The following AFG1L variants were observed in gnomAD, a reference collection of about 807,000 sequenced individuals.
The protein encoded by AFG1L is AFG1 like ATPase, also known as AFG1-like ATPase.
Under a neutral mutation model 62.2 loss-of-function variants are expected in AFG1L, and 53 were observed. The observed-to-expected ratio is 0.85, with a 90% CI of 0.68 to 1.07. The LOEUF is 1.07. Among genes scored for constraint, AFG1L ranks in the 50% least tolerant of loss-of-function variants. The probability of loss-of-function intolerance (pLI) is 0.00; values close to 1 mark genes in which losing one functional copy is unlikely to be tolerated. For synonymous variants in AFG1L, 228 were observed against 210.3 expected, an observed-to-expected ratio of 1.08 and a Z score of -0.73; for missense variants, 555 against 590.5, an observed-to-expected ratio of 0.94 and a Z score of 0.62.
intron 11 of AFG1L, among the ~76,000 whole-genome samples, chr6:108,518,511 G>A (rs186767090): frequency 1.8e-5 from 2 of 113,172 alleles, no homozygotes; most frequent in Non-Finnish European, 1.7e-5. Context: ...GGGGTGGGGG[G>A]AGGGGGGAGG....
Position 108,455,507 on chromosome 6 carries a change from T to G in AFG1L, c.890+8211T>G, listed in dbSNP as rs1313583477. On this transcript the variant is annotated intron_variant, in intron 8 of 12. Coordinates refer to ENST00000368977, the MANE Select transcript of AFG1L (RefSeq NM_145315.5). Reference sequence around the variant, plus strand: ...TTTCTATATCCTTAATTTCTGAACTTTCATTATTTCCTTTCTTCTGCTTAG... The same window carrying G: ...TTTCTATATCCTTAATTTCTGAACTGTCATTATTTCCTTTCTTCTGCTTAG... 4.6e-5 allele frequency among the ~76,000 whole-genome samples: 7 copies of G among 152,172 alleles called. No homozygotes were observed. In the East Asian group the frequency reaches 1.3e-3, roughly 29 times the overall value.
intron 3 of AFG1L, among the ~76,000 whole-genome samples, chr6:108,353,251 C>T (rs1779149705): frequency 6.6e-6 from 1 of 150,980 alleles, no homozygotes; most frequent in African/African-American, 2.4e-5. Context: ...AACTCCTGGG[C>T]TCAAGCAATC....
intron 5 of AFG1L, among the ~76,000 whole-genome samples, chr6:108,358,589 A>G (rs1456675898): frequency 6.6e-6 from 1 of 152,118 alleles, no homozygotes; most frequent in Non-Finnish European, 1.5e-5. Flanking sequence ...CTGGAATGCA[A>G]TGGCGTGATC....
chr6:108,351,316 A>C (rs891149661), intron 3 of AFG1L, among the ~76,000 whole-genome samples: 1 of 152,184 alleles, frequency 6.6e-6, no homozygotes, highest in African/African-American at 2.4e-5. Flanking sequence ...GCTTCTTTAT[A>C]ATCTTTTGGG....
At chr6:108,464,436 A>G (rs554640173) in intron 8 of AFG1L, among the ~76,000 whole-genome samples, 31 of 152,330 alleles carry the variant, frequency 2.0e-4, no homozygotes, top group African/African-American at 7.2e-4. Flanking sequence ...TCACTAATTT[A>G]ATATGGAAAA....
chr6:108,423,173 G>A (rs1358998841), intron 7 of AFG1L, among the ~76,000 whole-genome samples: 3 of 152,048 alleles, frequency 2.0e-5, no homozygotes, highest in African/African-American at 4.8e-5. Context: ...GGTTGATGAA[G>A]TGATATTTAG....
intron 6 of AFG1L, among the ~76,000 whole-genome samples, chr6:108,386,697 A>T (rs537530135): frequency 9.2e-5 from 14 of 152,316 alleles, no homozygotes; most frequent in African/African-American, 3.4e-4. Flanking sequence ...GTTTTACATA[A>T]AACTATAGTG....
chr6:108,322,312 G>A (rs1236740492), intron 1 of AFG1L, among the ~76,000 whole-genome samples: 2 of 152,140 alleles, frequency 1.3e-5, no homozygotes, highest in East Asian at 3.9e-4. Flanking sequence ...TTGTTGCTCT[G>A]CTTCATTCAA....
chr6:108,413,807 G>A (rs1416976343), intron 7 of AFG1L, among the ~76,000 whole-genome samples: 1 of 152,022 alleles, frequency 6.6e-6, no homozygotes, highest in Non-Finnish European at 1.5e-5. Flanking sequence ...ATGCCCACAA[G>A]AGAAAGCAGG....
At chr6:108,330,809 T>G (rs1422604824) in intron 2 of AFG1L, among the ~76,000 whole-genome samples, 1 of 152,232 alleles carries the variant, frequency 6.6e-6, no homozygotes, top group Non-Finnish European at 1.5e-5. Context: ...CTCAAGGTCT[T>G]CATTTTATCA....
Position 108,295,132 on chromosome 6 carries a change from C to T in AFG1L, c.53C>T (p.Pro18Leu). 6.2e-7 allele frequency: 1 copy of T among 1,611,230 alleles called. No individual in the cohort carries two copies. Among genetic ancestry groups the T allele is most frequent in the South Asian group, 1.1e-5 (1 of 91,088 alleles). ...LVTLRPLAQSPLRGRCVGCGA... is the reference protein window; with the variant it reads ...LVTLRPLAQSLLRGRCVGCGA... ...ACCCTGCGCCCCTTAGCACAGAGCCCGCTGAGAGGGAGATGTGTTGGGTGC... is the reference window on the plus strand; with the variant it reads ...ACCCTGCGCCCCTTAGCACAGAGCCTGCTGAGAGGGAGATGTGTTGGGTGC... The change falls in exon 1 of 13, where the codon CCG (proline) becomes CTG (leucine). Residue 18 changes from proline to leucine, a missense_variant. Pro to Leu is a moderately conservative substitution (Grantham distance 98). Transcript: ENST00000368977.
chr6:108,500,171 CGT>C (rs61654685), intron 10 of AFG1L, among the ~76,000 whole-genome samples: 9,630 of 135,040 alleles, frequency 0.071, 414 homozygotes, highest in Middle Eastern at 0.15. Flanking sequence ...ATGGTGCGTG[CGT>C]GTGTGTGTGT....
Position 108,345,652 on chromosome 6 carries a change from G to A in AFG1L, c.364-1336G>A, listed in dbSNP as rs552944978. ...ATGCCTGGCCCACTTTTATTTTTGA[G>A]ATTTTTTTTTTTTGATGTCTGAATA... On this transcript the variant is annotated intron_variant, in intron 2 of 12. Coordinates refer to ENST00000368977, the MANE Select transcript of AFG1L (RefSeq NM_145315.5). Among the ~76,000 whole-genome samples, 5 of 151,864 alleles carry A rather than the reference G, an allele frequency of 3.3e-5. No individual in the cohort carries two copies. In the South Asian group the frequency reaches 1.0e-3, roughly 32 times the overall value.
At chr6:108,334,463 G>A (rs899058006) in intron 2 of AFG1L, among the ~76,000 whole-genome samples, 1 of 151,790 alleles carries the variant, frequency 6.6e-6, no homozygotes, top group East Asian at 1.9e-4. Flanking sequence ...AAATTGAGGC[G>A]GGTGGATCAC....
chr6:108,426,138 T>C (rs1195191811), intron 7 of AFG1L, among the ~76,000 whole-genome samples: 6 of 152,196 alleles, frequency 3.9e-5, no homozygotes, highest in Non-Finnish European at 7.4e-5. Flanking sequence ...TATTGAGATA[T>C]TCTTTTTCTT....
chr6:108,404,687 A>G (rs1781773533), intron 7 of AFG1L, among the ~76,000 whole-genome samples: 1 of 152,008 alleles, frequency 6.6e-6, no homozygotes, highest in East Asian at 1.9e-4. Context: ...TTTGGAGGCT[A>G]TGTTATAAGT....
intron 1 of AFG1L, among the ~76,000 whole-genome samples, chr6:108,313,868 A>T (rs971768932): frequency 1.3e-5 from 2 of 152,124 alleles, no homozygotes; most frequent in Non-Finnish European, 2.9e-5. Flanking sequence ...CAACTATTTG[A>T]ATAGTCTCCT....
chr6:108,298,663 G>A (rs1469227643), intron 1 of AFG1L, among the ~76,000 whole-genome samples: 2 of 152,158 alleles, frequency 1.3e-5, no homozygotes, highest in Non-Finnish European at 2.9e-5. Flanking sequence ...AGCTGTAAAG[G>A]TGGGCTGATG....
chr6:108,403,993 G>C (rs1337300288), intron 7 of AFG1L, among the ~76,000 whole-genome samples: 1 of 151,950 alleles, frequency 6.6e-6, no homozygotes, highest in Non-Finnish European at 1.5e-5. Flanking sequence ...GATGAGAAAA[G>C]GTCTAAAATA....
Sources: gnomAD v4.1 joint callset for allele counts (sites outside exome capture counted in the v4.1 genomes callset) on GRCh38, gnomAD v4.1.1 for gene constraint, MANE v1.5 for transcripts, NCBI Gene and HGNC (gene_info 2026-07-23, HGNC 2026-07-21) for gene names.